VWA2: variants seen among roughly 807,000 people sequenced by gnomAD.
The protein encoded by VWA2 is von Willebrand factor A domain-containing protein 2.
In VWA2, 73 loss-of-function variants were observed where a neutral mutation model predicts 70.4. The observed-to-expected ratio is 1.04, with a 90% CI of 0.86 to 1.26. The LOEUF (loss-of-function observed/expected upper bound fraction) is 1.26, where lower values mean the gene tolerates loss of function less well. Ranked by LOEUF, VWA2 falls within the 50% of genes most tolerant of loss-of-function variation. VWA2 has a pLI of 0.00. For missense variants in VWA2, 1,011 were observed against 998.5 expected (o/e 1.01, Z -0.17); for synonymous variants, 407 against 423.3 (o/e 0.96, Z 0.47).
chr10:114,249,609 A>T (rs2037151769), intron 2 of VWA2, among the ~76,000 whole-genome samples: 1 of 152,050 alleles, frequency 6.6e-6, no homozygotes, highest in Admixed American at 6.5e-5. Flanking sequence ...CTGTTCCGGC[A>T]TTAGTTTGCT....
chr10:114,273,677 A>G (rs1399127516), intron 6 of VWA2, among the ~76,000 whole-genome samples: 1 of 152,240 alleles, frequency 6.6e-6, no homozygotes, highest in African/African-American at 2.4e-5. Flanking sequence ...CTGTGTTTGC[A>G]CACAGAAATC....
chr10:114,266,843 C>T (rs1417208677), intron 5 of VWA2, among the ~76,000 whole-genome samples: 1 of 152,172 alleles, frequency 6.6e-6, no homozygotes, highest in Non-Finnish European at 1.5e-5. Context: ...CCTTTCAAAC[C>T]ACATTAACGT....
intron 4 of VWA2, among the ~76,000 whole-genome samples, chr10:114,256,472 G>T (rs2037330136): frequency 6.6e-6 from 1 of 152,196 alleles, no homozygotes; most frequent in African/African-American, 2.4e-5. Context: ...GGATGGATTT[G>T]TAAGAGGCTG....
intron 8 of VWA2, among the ~76,000 whole-genome samples, chr10:114,279,384 C>G (rs1006785377): frequency 1.3e-5 from 2 of 152,234 alleles, no homozygotes; most frequent in South Asian, 4.2e-4. Flanking sequence ...GACTACCTGC[C>G]ATTCAGCACC....
chr10:114,290,398 C>T (rs1202303777), intron 13 of VWA2, 33 bp downstream of exon 13: 1 of 1,548,306 alleles, frequency 6.5e-7, no homozygotes, highest in Non-Finnish European at 8.7e-7. Context: ...ATGTGTGAGC[C>T]AGGGATGGTA....
intron 6 of VWA2, among the ~76,000 whole-genome samples, chr10:114,275,235 T>C (rs971903921): frequency 6.6e-6 from 1 of 152,140 alleles, no homozygotes; most frequent in African/African-American, 2.4e-5. Flanking sequence ...ACATCCAGGA[T>C]TGTGCCATGT....
Position 114,294,398 on chromosome 10 carries a change from T to A in VWA2, c.*3161T>A, listed in dbSNP as rs547922136. On this transcript the variant is annotated 3_prime_UTR_variant, in exon 14 of 14. Coordinates refer to ENST00000392982, the MANE Select transcript of VWA2 (RefSeq NM_001272046.2). ...ATTAAGGCCTCCATTTCAGTTCTGC[T>A]ATTTCATATTGCCTTAGGTTGTCTA... Among the ~76,000 whole-genome samples the A allele has an allele frequency of 6.6e-6, 1 of 152,362 alleles. No individual in the cohort carries two copies. Among genetic ancestry groups the A allele is most frequent in the South Asian group, 2.1e-4 (1 of 4,830 alleles).
intron 2 of VWA2, among the ~76,000 whole-genome samples, chr10:114,249,546 G>A (rs2037150276): frequency 6.6e-6 from 1 of 152,182 alleles, no homozygotes; most frequent in Non-Finnish European, 1.5e-5. Context: ...ATGAGCCACT[G>A]CGCCTGGCCC....
At position 114,292,091 on chromosome 10, in the gene VWA2, A is replaced by T. The variant is rs986805057; in HGVS notation, c.*854A>T. Among the ~76,000 whole-genome samples the T allele has an allele frequency of 1.3e-5, 2 of 152,154 alleles. No homozygotes were observed. The highest frequency in any genetic ancestry group is 2.9e-5 in the Non-Finnish European group (2 of 68,036). ...CAGGAGTTTGAGACCAGCCTGGCCA[A>T]CGTGGTGAAAGTTTGTCTTTACTAA... On this transcript the variant is annotated 3_prime_UTR_variant, in exon 14 of 14. Coordinates refer to ENST00000392982, the MANE Select transcript of VWA2 (RefSeq NM_001272046.2).
rs200171942 is a variant in VWA2 at position 114,289,138 on chromosome 10, C to T, written c.1771C>T (p.Arg591Trp). ...CTTCGGGCTGGACACCAAACCCACC[C>T]GGGCTGCGATGCTGCGGGCCATTAG... ...TAFGLDTKPT[R>W]AAMLRAISQA... The change falls in exon 12 of 14, where the codon CGG becomes TGG. Residue 591 changes from arginine (R) to tryptophan (W), a missense_variant. By Grantham distance (101) the Arg-to-Trp change is moderately radical (BLOSUM62 -3). Coordinates refer to ENST00000392982, the MANE Select transcript of VWA2 (RefSeq NM_001272046.2). 3.3e-4 allele frequency: 526 copies of T among 1,613,940 alleles called. 4 individuals carry two copies. The East Asian group carries it at 8.6e-3, about 26-fold the overall frequency.
intron 5 of VWA2, among the ~76,000 whole-genome samples, chr10:114,262,046 C>T (rs78130910): frequency 0.066 from 10,008 of 152,130 alleles, 352 homozygotes; most frequent in Non-Finnish European, 0.079. Context: ...ACTCACTCAT[C>T]GCCAATGGAT....
chr10:114,247,675 CAA>C (rs1180852759), intron 1 of VWA2, among the ~76,000 whole-genome samples: 1 of 149,392 alleles, frequency 6.7e-6, no homozygotes, highest in Non-Finnish European at 1.5e-5. Context: ...AAAAAAAAAA[CAA>C]AACGGAGCTG....
intron 11 of VWA2, among the ~76,000 whole-genome samples, chr10:114,286,861 A>C (rs1051704669): frequency 2.0e-5 from 3 of 152,244 alleles, no homozygotes; most frequent in African/African-American, 7.2e-5. Context: ...AGCAGGCTCC[A>C]GAGCAGCAGC....
intron 6 of VWA2, among the ~76,000 whole-genome samples, chr10:114,275,578 T>A (rs1424492184): frequency 2.0e-5 from 3 of 152,146 alleles, no homozygotes; most frequent in African/African-American, 4.8e-5. Context: ...CAGTATTTTG[T>A]TTTTTTGGTT....
chr10:114,246,729 G>A (rs767905323), intron 1 of VWA2: 24 of 1,523,712 alleles, frequency 1.6e-5, no homozygotes, highest in Non-Finnish European at 2.2e-5. Flanking sequence ...AATCGTGCAG[G>A]GGGAGAAATC....
At position 114,253,687 on chromosome 10, in the gene VWA2, G is replaced by A; in HGVS notation, c.89G>A (p.Ser30Asn). The A allele has an allele frequency of 6.2e-7, 1 of 1,612,336 alleles. No individual in the cohort carries two copies. The highest frequency in any genetic ancestry group is 8.5e-7 in the Non-Finnish European group (1 of 1,179,774). The change falls in exon 3 of 14, where the codon AGC (serine) becomes AAC (asparagine). Residue 30 changes from serine (S) to asparagine (N), a missense_variant. Ser to Asn is a conservative substitution (Grantham distance 46). Transcript: ENST00000392982. Reference protein sequence around the residue: ...PSLPLQEVHVSKETIGKISAA... With the variant: ...PSLPLQEVHVNKETIGKISAA... ...CTCCCTCTCCAGGAAGTCCATGTAA[G>A]CAAAGAAACCATCGGGAAGATTTCA...
At chr10:114,291,140 A>AG in intron 13 of VWA2, 78 bp from the exon 14 acceptor site, 1 of 1,505,208 alleles carries the variant, frequency 6.6e-7, no homozygotes, top group South Asian at 1.2e-5. Context: ...CAGGACCTGA[A>AG]GGGGTCCTCA....
At position 114,291,391 on chromosome 10, in the gene VWA2, C is replaced by A; in HGVS notation, c.*154C>A. 1 of 852,180 alleles carries A rather than the reference C, an allele frequency of 1.2e-6. No individual in the cohort carries two copies. Among genetic ancestry groups the A allele is most frequent in the South Asian group, 1.8e-5 (1 of 54,136 alleles). 52.8% of individuals were successfully genotyped at this position (852,180 alleles called of 1,614,324 possible). A position where few individuals can be genotyped will look rare whatever the true frequency, so the allele number is the denominator to read the frequency against. On this transcript the variant is annotated 3_prime_UTR_variant, in exon 14 of 14. Coordinates refer to ENST00000392982, the MANE Select transcript of VWA2 (RefSeq NM_001272046.2). ...CCGCCGTGGCCAGGACCACTATTCT[C>A]ACTGAGGGAGGAGGATGTCCCAACT...
intron 1 of VWA2, chr10:114,246,399 G>A (rs2037069712): frequency 1.7e-6 from 1 of 596,664 alleles, no homozygotes; most frequent in South Asian, 2.1e-5. Context: ...TACTCAGAAG[G>A]CTGAGACAGG....
Sources: gnomAD v4.1 joint callset for allele counts (sites outside exome capture counted in the v4.1 genomes callset) on GRCh38, gnomAD v4.1.1 for gene constraint, MANE v1.5 for transcripts, NCBI Gene and HGNC (gene_info 2026-07-23, HGNC 2026-07-21) for gene names.